The following CACNA1E variants were observed in gnomAD, a reference collection of about 807,000 sequenced individuals.
The protein encoded by CACNA1E is voltage-dependent R-type calcium channel subunit alpha-1E.
In CACNA1E, 40 loss-of-function variants were observed where a neutral mutation model predicts 259.2. The observed-to-expected ratio is 0.15, with a 90% CI of 0.12 to 0.20. The LOEUF is 0.20. CACNA1E is among the 10% of genes least tolerant of loss of function. CACNA1E has a pLI of 1.00. For missense variants in CACNA1E, 1,874 were observed against 3,040.1 expected (o/e 0.62, Z 9.02); for synonymous variants, 1,104 against 1,138.5 (o/e 0.97, Z 0.61).
At chr1:181,512,170 G>C (rs1371292830) in intron 3 of CACNA1E, among the ~76,000 whole-genome samples, 1 of 152,224 alleles carries the variant, frequency 6.6e-6, no homozygotes, top group Non-Finnish European at 1.5e-5. Context: ...CATTCTTTTG[G>C]AAATGAATAT....
chr1:181,502,773 A>C (rs898657270), intron 1 of CACNA1E, among the ~76,000 whole-genome samples: 1 of 152,048 alleles, frequency 6.6e-6, no homozygotes, highest in Non-Finnish European at 1.5e-5. Context: ...ATCTCGGCTC[A>C]CCACAACCTC....
intron 1 of CACNA1E, among the ~76,000 whole-genome samples, chr1:181,398,625 G>A (rs1319673768): frequency 1.3e-5 from 2 of 152,212 alleles, no homozygotes; most frequent in Admixed American, 1.3e-4. Flanking sequence ...CTGGAGCAGG[G>A]TGTGCGGAGT....
At chr1:181,769,841 A>C (rs867708542) in intron 35 of CACNA1E, among the ~76,000 whole-genome samples, 10 of 152,200 alleles carry the variant, frequency 6.6e-5, no homozygotes, top group African/African-American at 2.2e-4. Context: ...GGAAATGTGA[A>C]CAGGGCAAGG....
chr1:181,447,920 G>A (rs937438719), intron 2 of CACNA1E, among the ~76,000 whole-genome samples: 1 of 152,178 alleles, frequency 6.6e-6, no homozygotes, highest in Non-Finnish European at 1.5e-5. Flanking sequence ...CAGTAATAGC[G>A]GGTGGGGTCT....
chr1:181,682,149 C>A (rs1376353971), intron 7 of CACNA1E, among the ~76,000 whole-genome samples: 1 of 152,118 alleles, frequency 6.6e-6, no homozygotes. Flanking sequence ...TAACGATGAC[C>A]CCATAGTGGG....
At chr1:181,430,591 A>G (rs1659647811) in intron 2 of CACNA1E, among the ~76,000 whole-genome samples, 1 of 152,182 alleles carries the variant, frequency 6.6e-6, no homozygotes, top group African/African-American at 2.4e-5. Flanking sequence ...GTGGGAGCCC[A>G]CTGATTACAC....
intron 3 of CACNA1E, among the ~76,000 whole-genome samples, chr1:181,567,731 G>A (rs1649988467): frequency 1.3e-5 from 2 of 152,190 alleles, no homozygotes; most frequent in South Asian, 4.2e-4. Context: ...AAGCTGCATG[G>A]TGCTATTAAA....
intron 1 of CACNA1E, among the ~76,000 whole-genome samples, chr1:181,362,345 G>T (rs1002778726): frequency 6.6e-6 from 1 of 152,324 alleles, no homozygotes; most frequent in South Asian, 2.1e-4. Flanking sequence ...AGTCCTTTCT[G>T]CTGTGGATGG....
intron 2 of CACNA1E, among the ~76,000 whole-genome samples, chr1:181,448,478 A>T (rs1660939606): frequency 6.6e-6 from 1 of 152,214 alleles, no homozygotes. Flanking sequence ...TCTTTCCACC[A>T]CATCATATTT....
At position 181,510,364 on chromosome 1, in the gene CACNA1E, T is replaced by C. The variant is rs767475369; in HGVS notation, c.267-113T>C. On this transcript the variant is annotated intron_variant, in intron 1 of 47. Transcript: ENST00000367573. ...CCTGCCTGTTTACAAATAAAAATCA[T>C]GCAAACTGCACAGACACAATGCGGG... The C allele has an allele frequency of 5.1e-4, 364 of 713,294 alleles. 3 individuals are homozygous for C. Among genetic ancestry groups the C allele is most frequent in the Admixed American group, 3.5e-4 (17 of 47,944 alleles). The allele number at this position is 713,294 out of a possible 1,614,324, so 44.2% of individuals were successfully genotyped here.
intron 2 of CACNA1E, among the ~76,000 whole-genome samples, chr1:181,468,763 T>C (rs1031418349): frequency 1.3e-5 from 2 of 152,084 alleles, no homozygotes; most frequent in Non-Finnish European, 2.9e-5. Context: ...TAAATAATTT[T>C]TTGGCAGGTG....
intron 2 of CACNA1E, among the ~76,000 whole-genome samples, chr1:181,454,183 A>C (rs1222461800): frequency 6.6e-6 from 1 of 152,212 alleles, no homozygotes; most frequent in Non-Finnish European, 1.5e-5. Context: ...GTGGTGGCCT[A>C]GCACAGATGT....
At chr1:181,496,998 G>GA in intron 1 of CACNA1E, among the ~76,000 whole-genome samples, 1 of 152,170 alleles carries the variant, frequency 6.6e-6, no homozygotes, top group Middle Eastern at 3.4e-3. Context: ...CATGAGGAGG[G>GA]AGCAGGTCTG....
intron 1 of CACNA1E, among the ~76,000 whole-genome samples, chr1:181,349,522 G>A (rs1652866862): frequency 6.6e-6 from 1 of 152,194 alleles, no homozygotes; most frequent in Non-Finnish European, 1.5e-5. Context: ...CAATAGAGAA[G>A]GGAGACCTTG....
chr1:181,340,658 T>A (rs1031475544), intron 1 of CACNA1E, among the ~76,000 whole-genome samples: 1 of 152,142 alleles, frequency 6.6e-6, no homozygotes, highest in East Asian at 1.9e-4. Flanking sequence ...TTCCTAGGGT[T>A]TTGTTTTTAT....
chr1:181,771,746 A>G (rs1174033195), intron 36 of CACNA1E: 1 of 471,000 alleles, frequency 2.1e-6, no homozygotes, highest in East Asian at 3.4e-5. Flanking sequence ...GAATGTCAGG[A>G]CAGTGTTTGC....
At position 181,485,277 on chromosome 1, in the gene CACNA1E, C is replaced by G. The variant is rs981927220; in HGVS notation, c.266+1267C>G. 7.2e-5 allele frequency among the ~76,000 whole-genome samples: 11 copies of G among 152,140 alleles called. No homozygotes were observed. Among genetic ancestry groups the G allele is most frequent in the African/African-American group, 2.7e-4 (11 of 41,410 alleles). On this transcript the variant is annotated intron_variant, in intron 1 of 47. Transcript: ENST00000367573. This position sits in a 1 kb window ranked among gnomAD's most constrained non-coding sequence, Gnocchi z 4.2. ...AGCTGCCTTGGGTCTCTAGTATTAG[C>G]CAGACACGCGGCTCATTTCCCCCAG...
At chr1:181,777,885 GC>G (rs1322510549) in intron 38 of CACNA1E, among the ~76,000 whole-genome samples, 1 of 152,180 alleles carries the variant, frequency 6.6e-6, no homozygotes, top group Admixed American at 6.5e-5. Context: ...CCAACTGTGA[GC>G]AAAAAAGTCC....
intron 6 of CACNA1E, among the ~76,000 whole-genome samples, chr1:181,587,020 T>C (rs1652133752): frequency 6.6e-6 from 1 of 152,148 alleles, no homozygotes; most frequent in African/African-American, 2.4e-5. Context: ...TGGGGAGGTC[T>C]AGACCACAGA....
Sources: allele counts gnomAD v4.1 joint callset (sites outside exome capture counted in the v4.1 genomes callset), GRCh38; gene constraint gnomAD v4.1.1; non-coding constraint Gnocchi (gnomAD v3.1); transcripts MANE v1.5; gene names NCBI Gene and HGNC (gene_info 2026-07-23, HGNC 2026-07-21).